PPP2R3A: variants seen among roughly 807,000 people sequenced by gnomAD.
PPP2R3A encodes the protein serine/threonine-protein phosphatase 2A regulatory subunit B'' subunit alpha.
Under a neutral mutation model 106.9 loss-of-function variants are expected in PPP2R3A, and 80 were observed. That is an observed-to-expected ratio of 0.75 (90% CI 0.62 to 0.90). The LOEUF (loss-of-function observed/expected upper bound fraction) is 0.90. Ranked by LOEUF, PPP2R3A falls within the 40% of genes least tolerant of loss-of-function variation. The probability of loss-of-function intolerance (pLI) is 0.00; values close to 1 mark genes in which losing one functional copy is unlikely to be tolerated. For missense variants in PPP2R3A, 1,386 were observed against 1,350.4 expected (o/e 1.03, Z -0.41); for synonymous variants, 483 against 468.3 (o/e 1.03, Z -0.41).
intron 13 of PPP2R3A, among the ~76,000 whole-genome samples, chr3:136,139,964 C>G (rs778806668): frequency 6.7e-6 from 1 of 150,166 alleles, no homozygotes; most frequent in Non-Finnish European, 1.5e-5. Flanking sequence ...TGAGATAGTG[C>G]CACTGCACTC....
intron 1 of PPP2R3A, among the ~76,000 whole-genome samples, chr3:135,985,956 C>T (rs775531810): frequency 1.3e-5 from 2 of 151,936 alleles, no homozygotes; most frequent in Admixed American, 6.6e-5. Context: ...CAATAAGGAA[C>T]GATAGTAGGC....
intron 1 of PPP2R3A, among the ~76,000 whole-genome samples, chr3:135,971,858 A>G (rs1295067220): frequency 6.6e-6 from 1 of 152,172 alleles, no homozygotes; most frequent in Non-Finnish European, 1.5e-5. Context: ...GTCCATTACC[A>G]AGGTGGTCCA....
intron 2 of PPP2R3A, among the ~76,000 whole-genome samples, chr3:136,011,402 T>A (rs942013552): frequency 6.6e-6 from 1 of 152,244 alleles, no homozygotes; most frequent in Non-Finnish European, 1.5e-5. Context: ...TGTTAGTAAT[T>A]GTCACTTTGT....
chr3:136,011,122 A>ATG (rs1165152471), intron 2 of PPP2R3A, among the ~76,000 whole-genome samples: 1 of 151,972 alleles, frequency 6.6e-6, no homozygotes, highest in Non-Finnish European at 1.5e-5. Context: ...CTCCATCACC[A>ATG]CATCCGTCTT....
At chr3:136,139,103 T>C (rs182595125) in intron 13 of PPP2R3A, among the ~76,000 whole-genome samples, 9 of 152,206 alleles carry the variant, frequency 5.9e-5, no homozygotes, top group African/African-American at 1.7e-4. Context: ...TATTCCTTTG[T>C]CCCTGTAAAT....
intron 1 of PPP2R3A, among the ~76,000 whole-genome samples, chr3:135,985,604 G>A (rs1432316550): frequency 6.6e-6 from 1 of 152,130 alleles, no homozygotes; most frequent in Non-Finnish European, 1.5e-5. Flanking sequence ...GACCCTGCCA[G>A]TGGAGGCATA....
chr3:136,045,885 A>G lies in PPP2R3A; in HGVS notation c.2367-3374A>G, dbSNP rs543596109. On this transcript the variant is annotated intron_variant, in intron 4 of 13. Transcript: ENST00000264977. ...AACCCAGTACAGGATTCTGGCCACA[A>G]ATAAAGATCCCATACAGGCCAGGCA... 6.2e-4 allele frequency among the ~76,000 whole-genome samples: 94 copies of G among 152,278 alleles called. 1 individual carries two copies. The highest frequency in any genetic ancestry group is 2.0e-3 in the African/African-American group (83 of 41,550).
At position 136,136,062 on chromosome 3, in the gene PPP2R3A, AAAAAAAAAAAATTAT is replaced by A. The variant is rs1257186189; in HGVS notation, c.3330-8979_3330-8965del. Among the ~76,000 whole-genome samples the A allele has an allele frequency of 1.9e-4, 11 of 58,184 alleles. 2 individuals are homozygous for A. The highest frequency in any genetic ancestry group is 4.0e-4 in the Admixed American group (2 of 5,052). The allele number at this position is 58,184 out of a possible 152,430, so 38.2% of individuals were successfully genotyped here. A position where few individuals can be genotyped will look rare whatever the true frequency, so the allele number is the denominator to read the frequency against. Reference sequence around the variant, plus strand: ...CTCCGTCTCAAAAAAAAAAAAAAAAAAAAAAAAAAAATTATATATATATATATATATAAAAAACAT... The same window carrying A: ...CTCCGTCTCAAAAAAAAAAAAAAAAAATATATATATATATATAAAAAACAT... On this transcript the variant is annotated intron_variant, in intron 13 of 13. Coordinates refer to ENST00000264977, the MANE Select transcript of PPP2R3A (RefSeq NM_002718.5).
intron 13 of PPP2R3A, among the ~76,000 whole-genome samples, chr3:136,137,326 T>C (rs1938658083): frequency 1.3e-5 from 2 of 152,046 alleles, no homozygotes; most frequent in Admixed American, 1.3e-4. Context: ...GGGATAACCA[T>C]TATTTTATAC....
chr3:135,988,502 T>G (rs778402259), intron 1 of PPP2R3A, among the ~76,000 whole-genome samples: 12 of 152,164 alleles, frequency 7.9e-5, no homozygotes, highest in Non-Finnish European at 1.6e-4. Flanking sequence ...ACAGCCAGAA[T>G]GATTTTGTGA....
intron 5 of PPP2R3A, among the ~76,000 whole-genome samples, chr3:136,067,111 A>G (rs996283095): frequency 6.6e-6 from 1 of 152,234 alleles, no homozygotes; most frequent in African/African-American, 2.4e-5. Context: ...AATTAGAAGC[A>G]TAAGATTGGT....
chr3:136,105,821 G>T (rs1269914161), intron 12 of PPP2R3A, among the ~76,000 whole-genome samples: 1 of 152,044 alleles, frequency 6.6e-6, no homozygotes, highest in African/African-American at 2.4e-5. Flanking sequence ...TTAGCTGGAC[G>T]TGGTGGTACT....
rs139510474 is a variant in PPP2R3A, at chr3:135,975,204, T to C, written c.-441+9355T>C. Among the ~76,000 whole-genome samples, 677 of 152,322 alleles carry C rather than the reference T, an allele frequency of 4.4e-3. 2 individuals carry two copies. The highest frequency in any genetic ancestry group is 8.0e-3 in the Admixed American group (123 of 15,300). The stretch of plus-strand genomic sequence containing the variant: ...TGGCAGCAGTATTGAGATCCAAGTA[T>C]TAAAGGCAATTGAGGGTTCTGTGTA... On this transcript the variant is annotated intron_variant, in intron 1 of 13. Coordinates refer to ENST00000264977, the MANE Select transcript of PPP2R3A (RefSeq NM_002718.5).
intron 5 of PPP2R3A, 138 bp from the exon 6 acceptor site, chr3:136,070,340 A>G (rs1228548572): frequency 3.3e-6 from 2 of 602,040 alleles, no homozygotes; most frequent in East Asian, 3.1e-5. Flanking sequence ...AATTTAATAA[A>G]GAATTAAATT....
chr3:136,088,200 G>T (rs1937006441), intron 9 of PPP2R3A, among the ~76,000 whole-genome samples: 1 of 152,106 alleles, frequency 6.6e-6, no homozygotes, highest in African/African-American at 2.4e-5. Context: ...TGTCACACAG[G>T]CAGTGAGCAC....
intron 1 of PPP2R3A, among the ~76,000 whole-genome samples, chr3:135,989,583 C>CA (rs1193026272): frequency 1.3e-5 from 2 of 151,730 alleles, no homozygotes; most frequent in East Asian, 1.9e-4. Context: ...GTCTGGAACA[C>CA]AAAAAAATCT....
intron 1 of PPP2R3A, among the ~76,000 whole-genome samples, chr3:135,967,881 T>C (rs1200370750): frequency 6.6e-6 from 1 of 152,234 alleles, no homozygotes; most frequent in African/African-American, 2.4e-5. Context: ...AGGGCTATCA[T>C]GTGCAGCGTA....
chr3:136,048,764 C>T (rs1419424447), intron 4 of PPP2R3A, among the ~76,000 whole-genome samples: 1 of 151,700 alleles, frequency 6.6e-6, no homozygotes, highest in African/African-American at 2.4e-5. Flanking sequence ...TCAGAAATAT[C>T]AAGCAACAAA....
intron 4 of PPP2R3A, among the ~76,000 whole-genome samples, chr3:136,046,403 G>A (rs971150293): frequency 2.6e-5 from 4 of 151,684 alleles, no homozygotes; most frequent in Admixed American, 6.6e-5. Context: ...GCAGTGAGCC[G>A]AGGTTGCGCT....
Sources: gnomAD v4.1 joint callset for allele counts (sites outside exome capture counted in the v4.1 genomes callset) on GRCh38, gnomAD v4.1.1 for gene constraint, MANE v1.5 for transcripts, NCBI Gene and HGNC (gene_info 2026-07-23, HGNC 2026-07-21) for gene names.